Variants in GRIA1 observed in about 807,000 individuals in gnomAD.
GRIA1 encodes the protein glutamate ionotropic receptor AMPA type subunit 1, also known as glutamate receptor 1.
In GRIA1, 31 loss-of-function variants were observed where a neutral mutation model predicts 99.2. That is an observed-to-expected ratio of 0.31 (90% confidence interval 0.23 to 0.42). The LOEUF is 0.42. GRIA1 is among the 10% of genes least tolerant of loss of function. The pLI is 1.00. For missense variants in GRIA1, 782 were observed against 1,157.5 expected, an observed-to-expected ratio of 0.68 and a Z score of 4.71; for synonymous variants, 438 against 432.4, an observed-to-expected ratio of 1.01 and a Z score of -0.16.
chr5:153,616,122 C>T (rs370116345), intron 2 of GRIA1, among the ~76,000 whole-genome samples: 1 of 152,082 alleles, frequency 6.6e-6, no homozygotes, highest in African/African-American at 2.4e-5. Context: ...TCATTCAGGT[C>T]CCAGATTCAG....
chr5:153,785,655 T>C (rs562841208), intron 13 of GRIA1, among the ~76,000 whole-genome samples: 2 of 152,360 alleles, frequency 1.3e-5, no homozygotes, highest in East Asian at 3.9e-4. Context: ...TCTTTTCCCA[T>C]TGATGAGTGA....
chr5:153,540,582 C>A (rs1758984178), intron 2 of GRIA1, among the ~76,000 whole-genome samples: 1 of 152,160 alleles, frequency 6.6e-6, no homozygotes, highest in East Asian at 1.9e-4. Context: ...ATTTTTGAGA[C>A]AACCACTCTG....
At chr5:153,686,046 G>C (rs1017852033) in intron 7 of GRIA1, among the ~76,000 whole-genome samples, 179 bp from the exon 8 acceptor site, 12 of 152,204 alleles carry the variant, frequency 7.9e-5, no homozygotes, top group African/African-American at 2.7e-4. Context: ...TTAGGGAAAA[G>C]AGATCTGTAA....
rs1301974322 is a variant in GRIA1, at chr5:153,647,526, A to T, written c.460+359A>T. On this transcript the variant is annotated intron_variant, in intron 3 of 15. Transcript: ENST00000285900. ...CTTTGGACAAACTCTCTCTGCCTCA[A>T]TTTCAGCACTTATATAATGGGGATA... Among the ~76,000 whole-genome samples, 3 of 152,270 alleles carry T rather than the reference A, an allele frequency of 2.0e-5. No homozygotes were observed. The East Asian group carries it at 5.8e-4, about 29-fold the overall frequency.
At chr5:153,753,072 C>G (rs6580037) in intron 11 of GRIA1, among the ~76,000 whole-genome samples, 61,180 of 152,000 alleles carry the variant, frequency 0.4, 13,572 homozygotes, top group East Asian at 0.94. Flanking sequence ...ATGAATTCTG[C>G]CAACAACCAG....
At chr5:153,776,856 G>A (rs111337985) in intron 13 of GRIA1, among the ~76,000 whole-genome samples, 1,842 of 152,274 alleles carry the variant, frequency 0.012, 19 homozygotes, top group Non-Finnish European at 0.019. Context: ...ATACTGGGAC[G>A]ATAAAACATG....
Position 153,549,106 on chromosome 5 carries a change from T to A in GRIA1, c.220+55041T>A, listed in dbSNP as rs1386377640. On this transcript the variant is annotated intron_variant, in intron 2 of 15. Coordinates refer to ENST00000285900, the MANE Select transcript of GRIA1 (RefSeq NM_000827.4). Reference sequence around the variant, plus strand: ...AACAGCTCTGATGAACTTAAAGAGTTAACAATCAGCTAACCAGAAAATGAG... The same window carrying A: ...AACAGCTCTGATGAACTTAAAGAGTAAACAATCAGCTAACCAGAAAATGAG... Among the ~76,000 whole-genome samples the A allele has an allele frequency of 5.9e-5, 9 of 152,282 alleles. No individual in the cohort carries two copies. In the South Asian group the frequency reaches 1.9e-3, roughly 32 times the overall value.
intron 13 of GRIA1, among the ~76,000 whole-genome samples, chr5:153,793,736 A>G (rs1262867667): frequency 6.6e-5 from 10 of 152,326 alleles, no homozygotes; most frequent in South Asian, 6.2e-4. Flanking sequence ...TGTTATATGT[A>G]CATGTTGTCA....
chr5:153,789,733 T>C (rs1435818391), intron 13 of GRIA1, among the ~76,000 whole-genome samples: 2 of 152,200 alleles, frequency 1.3e-5, no homozygotes, highest in East Asian at 1.9e-4. Flanking sequence ...GCCCAGCATA[T>C]GTTATAATTT....
intron 2 of GRIA1, among the ~76,000 whole-genome samples, chr5:153,625,483 G>A (rs754017693): frequency 1.3e-5 from 2 of 152,152 alleles, no homozygotes; most frequent in African/African-American, 2.4e-5. Context: ...AGCACCATAC[G>A]GGGCACTGCA....
At chr5:153,665,865 T>C (rs1438550972) in intron 5 of GRIA1, among the ~76,000 whole-genome samples, 1 of 152,184 alleles carries the variant, frequency 6.6e-6, no homozygotes, top group Non-Finnish European at 1.5e-5. Flanking sequence ...CCTAACCTAA[T>C]ATGGTAACTT....
upstream of GRIA1, chr5:153,490,577 AG>A (rs2113161454): frequency 9.0e-6 from 4 of 442,762 alleles, no homozygotes; most frequent in South Asian, 9.0e-5. Flanking sequence ...AGAGCAAGGG[AG>A]GGAGAGAGAG....
chr5:153,549,343 T>C (rs917046164), intron 2 of GRIA1, among the ~76,000 whole-genome samples: 1 of 152,162 alleles, frequency 6.6e-6, no homozygotes, highest in African/African-American at 2.4e-5. Context: ...CCTTGAGACT[T>C]CTCTGCCACC....
At chr5:153,722,662 G>C (rs563279404) in intron 11 of GRIA1, among the ~76,000 whole-genome samples, 8 of 152,322 alleles carry the variant, frequency 5.3e-5, no homozygotes, top group African/African-American at 1.9e-4. Context: ...TGTTGATATA[G>C]TTGTCTGTCT....
At chr5:153,592,355 C>CCTCTAGAGGAACTCTAGAGTCTAACTCT (rs1439797547) in intron 2 of GRIA1, among the ~76,000 whole-genome samples, 42 of 152,310 alleles carry the variant, frequency 2.8e-4, no homozygotes, top group African/African-American at 1.0e-3. Context: ...CTAGAGTTAG[C>CCTCTAGAGGAACTCTAGAGTCTAACTCT]AGAGTCCAGG....
chr5:153,615,991 A>G (rs962452568), intron 2 of GRIA1, among the ~76,000 whole-genome samples: 13 of 152,278 alleles, frequency 8.5e-5, no homozygotes, highest in South Asian at 2.1e-4. Flanking sequence ...ACTTTGCAGT[A>G]TCAGAGGATG....
chr5:153,571,043 A>G (rs1762069161), intron 2 of GRIA1, among the ~76,000 whole-genome samples: 1 of 152,182 alleles, frequency 6.6e-6, no homozygotes, highest in Non-Finnish European at 1.5e-5. Flanking sequence ...GGTTTACTCC[A>G]GCGATTCTCA....
intron 2 of GRIA1, among the ~76,000 whole-genome samples, chr5:153,639,781 C>T (rs1328601519): frequency 6.6e-6 from 1 of 152,158 alleles, no homozygotes; most frequent in Non-Finnish European, 1.5e-5. Context: ...ATTCAGGAAA[C>T]TTGTTGGATG....
chr5:153,674,369 G>A (rs1365685858), intron 5 of GRIA1, 131 bp from the exon 6 acceptor site: 2 of 951,410 alleles, frequency 2.1e-6, no homozygotes, highest in East Asian at 4.8e-5. Flanking sequence ...AAGGAAAGGA[G>A]GCCTAACTGT....
Sources: gnomAD v4.1 joint callset for allele counts (sites outside exome capture counted in the v4.1 genomes callset) on GRCh38, gnomAD v4.1.1 for gene constraint, MANE v1.5 for transcripts, NCBI Gene and HGNC (gene_info 2026-07-23, HGNC 2026-07-21) for gene names.